The following BBX variants were observed in gnomAD, a reference collection of about 807,000 sequenced individuals.
The protein encoded by BBX is BBX high mobility group box domain containing.
In BBX, 30 loss-of-function variants were observed where a neutral mutation model predicts 100.2. That is an observed-to-expected ratio of 0.30 (90% CI 0.22 to 0.41). BBX has a LOEUF of 0.41. BBX is among the 10% of genes least tolerant of loss of function. The pLI is 1.00. For missense variants in BBX, 1,023 were observed against 1,129.8 expected (o/e 0.91, Z 1.35); for synonymous variants, 376 against 388.1 (o/e 0.97, Z 0.37).
intron 3 of BBX, among the ~76,000 whole-genome samples, chr3:107,680,320 C>T (rs544000426): frequency 1.1e-4 from 16 of 152,220 alleles, no homozygotes; most frequent in Admixed American, 3.9e-4. Flanking sequence ...TCACCGCTTA[C>T]GAGTACCTCT....
At chr3:107,629,941 G>A (rs1412406601) in intron 2 of BBX, among the ~76,000 whole-genome samples, 2 of 152,072 alleles carry the variant, frequency 1.3e-5, no homozygotes, top group African/African-American at 4.8e-5. Context: ...GTCTGTAGAG[G>A]TACAGTCTTG....
chr3:107,553,159 C>T (rs1038506610), intron 2 of BBX, among the ~76,000 whole-genome samples: 5 of 152,192 alleles, frequency 3.3e-5, no homozygotes, highest in African/African-American at 1.2e-4. Context: ...TGAACATTCT[C>T]ATTGCATTAT....
chr3:107,569,516 G>A (rs1387031221), intron 2 of BBX, among the ~76,000 whole-genome samples: 1 of 152,072 alleles, frequency 6.6e-6, no homozygotes, highest in East Asian at 1.9e-4. Context: ...GATTTGGGTA[G>A]GTAGTGGAAA....
At chr3:107,716,956 A>G (rs1478373235) in intron 5 of BBX, 107 bp downstream of exon 5, 1 of 1,336,864 alleles carries the variant, frequency 7.5e-7, no homozygotes, top group East Asian at 2.3e-5. Flanking sequence ...GAGAAGGTGA[A>G]TCATAAATGA....
Position 107,698,428 on chromosome 3 carries a change from G to C in BBX, c.-9-12024G>C, listed in dbSNP as rs533996386. On this transcript the variant is annotated intron_variant, in intron 3 of 17. Coordinates refer to ENST00000325805, the MANE Select transcript of BBX (RefSeq NM_001142568.3). The stretch of plus-strand genomic sequence containing the variant: ...AGCACTTTGGGAGGCTGAAGCGGGC[G>C]GCTCACAAGGTCAGGAGTTTGACAT... Among the ~76,000 whole-genome samples the C allele has an allele frequency of 1.7e-3, 265 of 151,610 alleles. 8 individuals are homozygous for C. Among genetic ancestry groups the C allele is most frequent in the African/African-American group, 3.5e-3 (144 of 41,058 alleles).
At chr3:107,617,747 CTT>C (rs2055403809) in intron 2 of BBX, among the ~76,000 whole-genome samples, 1 of 152,016 alleles carries the variant, frequency 6.6e-6, no homozygotes, top group Non-Finnish European at 1.5e-5. Context: ...TAACTGGTGT[CTT>C]TTGACTTTGC....
At chr3:107,758,711 G>C (rs1188205660) in intron 10 of BBX, among the ~76,000 whole-genome samples, 3 of 152,112 alleles carry the variant, frequency 2.0e-5, no homozygotes, top group African/African-American at 7.2e-5. Flanking sequence ...TAAATATTTT[G>C]AATATCACCC....
intron 4 of BBX, among the ~76,000 whole-genome samples, chr3:107,713,896 G>T (rs990784364): frequency 6.6e-6 from 1 of 150,420 alleles, no homozygotes; most frequent in South Asian, 2.1e-4. Flanking sequence ...CTCCATTGAC[G>T]ACCTGACACA....
chr3:107,547,801 C>T (rs1055953441), intron 2 of BBX, among the ~76,000 whole-genome samples: 4 of 151,712 alleles, frequency 2.6e-5, no homozygotes, highest in Admixed American at 6.6e-5. Context: ...TTCTATTGAT[C>T]TTATTCTTCA....
intron 2 of BBX, among the ~76,000 whole-genome samples, chr3:107,640,622 TCAG>T (rs764071593): frequency 6.6e-6 from 1 of 151,798 alleles, no homozygotes; most frequent in Non-Finnish European, 1.5e-5. Context: ...CTAGATCTCA[TCAG>T]CTTTAAGAAA....
intron 5 of BBX, among the ~76,000 whole-genome samples, chr3:107,725,614 T>G (rs1440432234): frequency 3.3e-5 from 5 of 152,048 alleles, no homozygotes; most frequent in Non-Finnish European, 7.4e-5. Flanking sequence ...AAATATTAAG[T>G]AGACAAAATA....
At chr3:107,753,559 T>C (rs1221948560) in intron 9 of BBX, among the ~76,000 whole-genome samples, 1 of 152,200 alleles carries the variant, frequency 6.6e-6, no homozygotes. Flanking sequence ...TCTGACAGCT[T>C]TGCTTTAACT....
intron 13 of BBX, among the ~76,000 whole-genome samples, chr3:107,781,783 C>A (rs919720058): frequency 2.6e-5 from 4 of 152,048 alleles, no homozygotes; most frequent in Non-Finnish European, 5.9e-5. Flanking sequence ...GTTCCTTGGC[C>A]TATTATCAAA....
intron 2 of BBX, among the ~76,000 whole-genome samples, chr3:107,536,805 C>T (rs2048524829): frequency 6.6e-6 from 1 of 151,998 alleles, no homozygotes; most frequent in Non-Finnish European, 1.5e-5. Context: ...ATGGAACAAC[C>T]CTTGTCCTCA....
intron 3 of BBX, among the ~76,000 whole-genome samples, chr3:107,651,195 A>T (rs1316699128): frequency 6.6e-6 from 1 of 152,260 alleles, no homozygotes; most frequent in Non-Finnish European, 1.5e-5. Context: ...TTACCAAAGA[A>T]TGAAGTAAAA....
chr3:107,752,699 C>A (rs759618882), intron 9 of BBX, among the ~76,000 whole-genome samples: 1 of 152,136 alleles, frequency 6.6e-6, no homozygotes, highest in Non-Finnish European at 1.5e-5. Context: ...TACTGTTTAT[C>A]CAAACATTAC....
intron 2 of BBX, among the ~76,000 whole-genome samples, chr3:107,532,204 C>A (rs1178087871): frequency 3.3e-5 from 5 of 151,316 alleles, no homozygotes; most frequent in Admixed American, 6.6e-5. Flanking sequence ...AAAAAAAAAA[C>A]CAAAACAAAA....
intron 17 of BBX, among the ~76,000 whole-genome samples, chr3:107,802,602 T>C (rs898339228): frequency 1.3e-5 from 2 of 152,212 alleles, no homozygotes; most frequent in Non-Finnish European, 2.9e-5. Context: ...AATCTGAGAA[T>C]TGAGAGAGGG....
chr3:107,754,162 A>G (rs750961512), intron 9 of BBX, among the ~76,000 whole-genome samples: 5 of 152,178 alleles, frequency 3.3e-5, no homozygotes, highest in Non-Finnish European at 5.9e-5. Context: ...CACAAAGGCC[A>G]TATTCTTTCT....
Sources: allele counts gnomAD v4.1 joint callset (sites outside exome capture counted in the v4.1 genomes callset), GRCh38; gene constraint gnomAD v4.1.1; transcripts MANE v1.5; gene names NCBI Gene and HGNC (gene_info 2026-07-23, HGNC 2026-07-21).